CFAP141: variants seen among roughly 807,000 people sequenced by gnomAD.
CFAP141 encodes the protein cilia- and flagella-associated protein 141.
the CFAP141 span, among the ~76,000 whole-genome samples, chr1:154,203,288 C>T: frequency 1.1e-4 from 15 of 131,748 alleles, no homozygotes; most frequent in East Asian, 3.3e-3. Flanking sequence ...GAGTCAGAGT[C>T]CTGCTCTGTT....
At chr1:154,203,172 AAT>A in the CFAP141 span, among the ~76,000 whole-genome samples, 1 of 29,516 alleles carries the variant, frequency 3.4e-5, no homozygotes, top group Non-Finnish European at 6.7e-5. Flanking sequence ...TGACTGGGCA[AAT>A]ATATATATAT....
the CFAP141 span, chr1:154,200,462 T>C: frequency 7.4e-6 from 12 of 1,614,004 alleles, no homozygotes; most frequent in Non-Finnish European, 1.0e-5. Flanking sequence ...AACTCACCAT[T>C]AGTAGTTGCT....
chr1:154,201,748 G>A, the CFAP141 span, among the ~76,000 whole-genome samples: 1 of 151,826 alleles, frequency 6.6e-6, no homozygotes, highest in Non-Finnish European at 1.5e-5. Context: ...CTCAGCCCTG[G>A]CTAGACTGGA....
chr1:154,203,122 G>C, the CFAP141 span, among the ~76,000 whole-genome samples: 2 of 129,560 alleles, frequency 1.5e-5, no homozygotes, highest in South Asian at 5.0e-4. Context: ...CTCTGTCTTA[G>C]AGAGACTCTG....
At chr1:154,204,694 T>C in the CFAP141 span, among the ~76,000 whole-genome samples, 2 of 151,728 alleles carry the variant, frequency 1.3e-5, no homozygotes. Flanking sequence ...CCTGAGTGGC[T>C]GAGACTACAG....
the CFAP141 span, chr1:154,200,690 CT>C: frequency 3.2e-4 from 417 of 1,310,460 alleles, no homozygotes; most frequent in Non-Finnish European, 3.3e-4. Context: ...TTTTTCTTTT[CT>C]TTTTTTTTGA....
chr1:154,200,236 C>CT, the CFAP141 span, among the ~76,000 whole-genome samples: 1 of 152,226 alleles, frequency 6.6e-6, no homozygotes, highest in African/African-American at 2.4e-5. Context: ...TACTTTGGGA[C>CT]TTTAACATGT....
chr1:154,203,144 A>T, the CFAP141 span, among the ~76,000 whole-genome samples: 1 of 123,714 alleles, frequency 8.1e-6, no homozygotes, highest in Admixed American at 9.1e-5. Context: ...CTCAAAAAAA[A>T]AAAAAAGTTG....
At chr1:154,206,325 A>G in the CFAP141 span, 1 of 1,613,528 alleles carries the variant, frequency 6.2e-7, no homozygotes, top group East Asian at 2.2e-5. Context: ...GATTTGCTTG[A>G]TACAGTCTGA....
chr1:154,203,182 T>C, the CFAP141 span, among the ~76,000 whole-genome samples: 1 of 6,910 alleles, frequency 1.4e-4, no homozygotes, highest in Non-Finnish European at 2.4e-4. Context: ...AATATATATA[T>C]ATATATATAT....
At chr1:154,206,025 A>C in the CFAP141 span, among the ~76,000 whole-genome samples, 1 of 152,116 alleles carries the variant, frequency 6.6e-6, no homozygotes, top group Non-Finnish European at 1.5e-5. Context: ...TTGAGAAAGC[A>C]ATTTCCTGGG....
the CFAP141 span, chr1:154,205,651 G>T: frequency 1.2e-6 from 2 of 1,613,538 alleles, no homozygotes. Flanking sequence ...GCAAGAAAAG[G>T]TAGTTCTGTT....
the CFAP141 span, among the ~76,000 whole-genome samples, chr1:154,204,868 A>ACT: frequency 7.0e-6 from 1 of 141,862 alleles, no homozygotes; most frequent in African/African-American, 2.6e-5. Flanking sequence ...GGCTTGCATC[A>ACT]GTGTTTTTTT....
the CFAP141 span, among the ~76,000 whole-genome samples, chr1:154,203,373 C>A: frequency 6.7e-6 from 1 of 149,676 alleles, no homozygotes; most frequent in African/African-American, 2.4e-5. Flanking sequence ...AATTCTTCTG[C>A]CTCAGCCTCC....
the CFAP141 span, chr1:154,205,547 G>T: frequency 6.5e-7 from 1 of 1,547,422 alleles, no homozygotes; most frequent in Non-Finnish European, 8.9e-7. Context: ...GAAGACAGCA[G>T]AGTGGAAAGG....
At chr1:154,199,556 T>G in the CFAP141 span, 1 of 1,430,448 alleles carries the variant, frequency 7.0e-7, no homozygotes. Context: ...ATAGAGTGTG[T>G]TGTTTGCCTC....
the CFAP141 span, among the ~76,000 whole-genome samples, chr1:154,204,963 C>T: frequency 2.6e-5 from 4 of 151,356 alleles, no homozygotes; most frequent in African/African-American, 9.7e-5. Context: ...CTCACTGCAC[C>T]CTCCGCATCC....
chr1:154,202,309 C>T, the CFAP141 span, among the ~76,000 whole-genome samples: 1 of 152,036 alleles, frequency 6.6e-6, no homozygotes, highest in Admixed American at 6.5e-5. Context: ...CTCCAGACCT[C>T]AAGTGATCAG....
chr1:154,203,230 T>G, the CFAP141 span, among the ~76,000 whole-genome samples: 17 of 82,530 alleles, frequency 2.1e-4, no homozygotes, highest in African/African-American at 7.7e-4. Flanking sequence ...TATATATATA[T>G]ATATACTTTG....
Sources: allele counts gnomAD v4.1 joint callset (sites outside exome capture counted in the v4.1 genomes callset), GRCh38; gene constraint gnomAD v4.1.1; transcripts MANE v1.5; gene names NCBI Gene and HGNC (gene_info 2026-07-23, HGNC 2026-07-21).